The following SVEP1 variants were observed in gnomAD, a reference collection of about 807,000 sequenced individuals.
The protein encoded by SVEP1 is sushi, von Willebrand factor type A, EGF and pentraxin domain-containing protein 1.
SVEP1 carries 164 observed loss-of-function variants against 367.3 expected under a neutral mutation model. The ratio of observed to expected loss-of-function variants is 0.45; its 90% CI spans 0.39 to 0.51. SVEP1 has a LOEUF of 0.51. SVEP1 is among the 20% of genes least tolerant of loss of function. The pLI is 0.00. For missense variants in SVEP1, 4,117 were observed against 4,425.3 expected (o/e 0.93, Z 1.98); for synonymous variants, 1,666 against 1,611.6 (o/e 1.03, Z -0.81).
intron 3 of SVEP1, among the ~76,000 whole-genome samples, chr9:110,537,691 T>C (rs936162854): frequency 1.3e-5 from 2 of 151,996 alleles, no homozygotes; most frequent in Non-Finnish European, 2.9e-5. Context: ...ACATTTGCTA[T>C]AATATTTAGA....
intron 35 of SVEP1, among the ~76,000 whole-genome samples, chr9:110,428,155 G>C (rs1473530850): frequency 1.3e-5 from 2 of 152,148 alleles, no homozygotes; most frequent in South Asian, 4.1e-4. Flanking sequence ...TAAGGTCAAA[G>C]GGAACTGTCC....
chr9:110,549,240 T>A (rs1449998266), intron 2 of SVEP1, among the ~76,000 whole-genome samples: 1 of 152,100 alleles, frequency 6.6e-6, no homozygotes, highest in African/African-American at 2.4e-5. Context: ...CTTATTATAA[T>A]GTATAATTAT....
intron 18 of SVEP1, 84 bp from the exon 19 acceptor site, chr9:110,459,197 G>A: frequency 8.1e-7 from 1 of 1,237,184 alleles, no homozygotes; most frequent in Non-Finnish European, 1.1e-6. Flanking sequence ...GTGCATATAA[G>A]AAACCTACTG....
chr9:110,579,322 C>G lies in SVEP1; in HGVS notation c.222G>C (p.Leu74=). The change falls in exon 1 of 48, where the codon CTG becomes CTC. Residue 74 remains leucine (L), a synonymous_variant. Transcript: ENST00000374469. The surrounding 1 kb of genome is among the most constrained non-coding windows in gnomAD (Gnocchi z 5.3). ...LGQAFRRRVR[L]LRELSERLEL... is the part of the protein sequence containing the mutation. ...CCAGGCGCTCGCTGAGCTCCCGCAG[C>G]AGCCGCACGCGTCGCCGGAACGCCT... 6.4e-7 allele frequency: 1 copy of G among 1,560,556 alleles called. No individual in the cohort carries two copies. The highest frequency in any genetic ancestry group is 8.7e-7 in the Non-Finnish European group (1 of 1,154,166).
rs1828039349 is a variant in SVEP1 at position 110,411,220 on chromosome 9, A to G, written c.6491T>C (p.Phe2164Ser). ...NGYASGSNYS[F>S]GAMVAYSCNK... The stretch of plus-strand genomic sequence containing the variant: ...GCAGCTGTAAGCCACCATGGCTCCA[A>G]AACTGTAGTTTGATCCACTTGCATA... Residue 2164 changes from phenylalanine (F) to serine (S), a missense_variant, in exon 37 of 48, where the codon TTT becomes TCT. Around this residue, in one of 4 missense-constraint regions of SVEP1, gnomAD observed 1,765 missense variants for 1,781.1 expected, o/e 0.99. Transcript: ENST00000374469. The G allele has an allele frequency of 6.2e-7, 1 of 1,613,882 alleles. No homozygotes were observed. Among genetic ancestry groups the G allele is most frequent in the Non-Finnish European group, 8.5e-7 (1 of 1,179,892 alleles).
chr9:110,462,191 G>C (rs1274299007), intron 18 of SVEP1, among the ~76,000 whole-genome samples: 4 of 151,918 alleles, frequency 2.6e-5, no homozygotes, highest in Non-Finnish European at 5.9e-5. Flanking sequence ...AAAAAGAAAA[G>C]ATGTTTTTGC....
At chr9:110,478,918 TTTC>T (rs139210042) in intron 13 of SVEP1, among the ~76,000 whole-genome samples, 54,993 of 150,010 alleles carry the variant, frequency 0.37, 10,271 homozygotes, top group East Asian at 0.47. Context: ...TTTTCTTTTC[TTTC>T]TTCTTCTTTT....
In SVEP1 at chr9:110,443,778, T is replaced by C. The variant is rs1828550023; in HGVS notation, c.4464-58A>G. 2.2e-6 allele frequency: 3 copies of C among 1,381,066 alleles called. No homozygotes were observed. The African/African-American group carries it at 4.4e-5, about 20-fold the overall frequency. 85.6% of individuals were successfully genotyped at this position (1,381,066 alleles called of 1,614,324 possible). On this transcript the variant is annotated intron_variant, in intron 26 of 47. Coordinates refer to ENST00000374469, the MANE Select transcript of SVEP1 (RefSeq NM_153366.4). The stretch of plus-strand genomic sequence containing the variant: ...ATTAGCCATATGTTGCAATCCTTAC[T>C]GTGGGGCATGCTACAATTTTTCTTC...
At chr9:110,428,429 C>A (rs2986670) in intron 35 of SVEP1, among the ~76,000 whole-genome samples, 9 of 151,106 alleles carry the variant, frequency 6.0e-5, no homozygotes, top group East Asian at 1.9e-4. Context: ...CACACACACA[C>A]CATTAATCTC....
At chr9:110,557,736 G>A (rs1382271479) in intron 1 of SVEP1, among the ~76,000 whole-genome samples, 2 of 152,116 alleles carry the variant, frequency 1.3e-5, no homozygotes, top group Non-Finnish European at 2.9e-5. Context: ...ATTTATGGTT[G>A]TAAATTTTGC....
At chr9:110,493,312 A>T (rs1829398520) in intron 8 of SVEP1, among the ~76,000 whole-genome samples, 1 of 152,144 alleles carries the variant, frequency 6.6e-6, no homozygotes, top group Non-Finnish European at 1.5e-5. Context: ...CATCAGCAAT[A>T]CAAAGAGGGC....
chr9:110,543,692 G>C (rs1489442981), intron 3 of SVEP1, among the ~76,000 whole-genome samples: 1 of 152,144 alleles, frequency 6.6e-6, no homozygotes, highest in African/African-American at 2.4e-5. Flanking sequence ...TGTTTGGCAG[G>C]GAGCAGTTCA....
intron 36 of SVEP1, among the ~76,000 whole-genome samples, chr9:110,422,863 C>G (rs1317621515): frequency 2.6e-5 from 2 of 76,720 alleles, no homozygotes; most frequent in Non-Finnish European, 5.0e-5. Flanking sequence ...AGTAAACTAT[C>G]GCAAGAACAA....
At chr9:110,436,312 T>C (rs1392225563) in intron 28 of SVEP1, 68 bp downstream of exon 28, 6 of 1,586,694 alleles carry the variant, frequency 3.8e-6, no homozygotes, top group Middle Eastern at 1.7e-4. Context: ...ATCATTAGGC[T>C]GTTCACATTT....
At chr9:110,430,803 C>T (rs539092853) in intron 32 of SVEP1, among the ~76,000 whole-genome samples, 5 of 152,246 alleles carry the variant, frequency 3.3e-5, no homozygotes, top group African/African-American at 7.2e-5. Flanking sequence ...TTTTTCAGAG[C>T]AACTGACTTG....
intron 34 of SVEP1, 125 bp from the exon 35 acceptor site, chr9:110,429,459 C>A: frequency 3.0e-6 from 2 of 666,468 alleles, no homozygotes; most frequent in South Asian, 3.5e-5. Flanking sequence ...TTTTTTCCTA[C>A]TGAAATAATG....
rs980317049 is a variant in SVEP1, at chr9:110,482,370, C to G, written c.2161G>C (p.Val721Leu). The G allele has an allele frequency of 3.7e-6, 6 of 1,611,774 alleles. No individual in the cohort carries two copies. The highest frequency in any genetic ancestry group is 4.2e-6 in the Non-Finnish European group (5 of 1,179,074). The change falls in exon 11 of 48, where the codon GTC becomes CTC. Residue 721 changes from valine to leucine, a missense_variant. Coordinates refer to ENST00000374469, the MANE Select transcript of SVEP1 (RefSeq NM_153366.4). Reference protein sequence around the residue: ...GNNRTCDIHIVIKGSPCEIPF... With the variant: ...GNNRTCDIHILIKGSPCEIPF... ...CTTATGAAGACAATACCTTTTATGA[C>G]AATATGGATATCACATGTCCTGTTA...
chr9:110,528,154 G>GGGTATA (rs1829967218), intron 3 of SVEP1, among the ~76,000 whole-genome samples: 1 of 25,704 alleles, frequency 3.9e-5, no homozygotes, highest in South Asian at 7.4e-4. Context: ...GTGTGTGTGT[G>GGGTATA]TGTATATATA....
At chr9:110,411,925 T>C (rs41278443) in intron 36 of SVEP1, among the ~76,000 whole-genome samples, 190 bp from the exon 37 acceptor site, 12,378 of 152,246 alleles carry the variant, frequency 0.081, 488 homozygotes, top group African/African-American at 0.089. Flanking sequence ...CATTGTGATA[T>C]TGTTTGTTCA....
Sources: gnomAD v4.1 joint callset for allele counts (sites outside exome capture counted in the v4.1 genomes callset) on GRCh38, gnomAD v4.1.1 for gene constraint, gnomAD v4.1.1 regional missense constraint, Gnocchi (gnomAD v3.1) non-coding constraint, MANE v1.5 for transcripts, NCBI Gene and HGNC (gene_info 2026-07-23, HGNC 2026-07-21) for gene names.